Variants in PKP4 observed in about 807,000 individuals in gnomAD.
PKP4 encodes plakophilin-4.
Under a neutral mutation model 145.1 loss-of-function variants are expected in PKP4, and 90 were observed. That is an observed-to-expected ratio of 0.62 (90% CI 0.52 to 0.74). The LOEUF (loss-of-function observed/expected upper bound fraction) is 0.74. Among genes scored for constraint, PKP4 ranks in the 30% least tolerant of loss-of-function variants. The pLI is 0.00. For synonymous variants in PKP4, 563 were observed against 577.2 expected (o/e 0.98, Z 0.35); for missense variants, 1,340 against 1,482.7 (o/e 0.90, Z 1.58).
chr2:158,552,786 A>G (rs1347276607), intron 2 of PKP4, among the ~76,000 whole-genome samples: 2 of 152,220 alleles, frequency 1.3e-5, no homozygotes, highest in African/African-American at 4.8e-5. Flanking sequence ...CCTTATGTCT[A>G]AAAACCAATG....
intron 2 of PKP4, among the ~76,000 whole-genome samples, chr2:158,565,435 C>CTTTTTTTTTTTTTTT (rs10690465): frequency 7.4e-6 from 1 of 135,766 alleles, no homozygotes; most frequent in South Asian, 2.3e-4. Flanking sequence ...TTCTTTTTTC[C>CTTTTTTTTTTTTTTT]TTTTTTTTTT....
At chr2:158,551,947 T>C (rs570741854) in intron 2 of PKP4, among the ~76,000 whole-genome samples, 15 of 152,302 alleles carry the variant, frequency 9.8e-5, no homozygotes, top group Admixed American at 8.5e-4. Flanking sequence ...AGAATAATGC[T>C]CTCCTCCCCA....
At chr2:158,568,032 G>A (rs1395435585) in intron 2 of PKP4, among the ~76,000 whole-genome samples, 2 of 152,102 alleles carry the variant, frequency 1.3e-5, no homozygotes, top group Non-Finnish European at 2.9e-5. Context: ...TCTCCTGGAG[G>A]ACTTGTTTAA....
chr2:158,601,887 T>TAGCA (rs1558868980), intron 3 of PKP4, among the ~76,000 whole-genome samples: 1 of 152,128 alleles, frequency 6.6e-6, no homozygotes, highest in African/African-American at 2.4e-5. Flanking sequence ...CTCAGAAATA[T>TAGCA]AGCACTAAAA....
intron 1 of PKP4, among the ~76,000 whole-genome samples, chr2:158,507,323 TG>T (rs1204354176): frequency 1.3e-5 from 2 of 152,196 alleles, no homozygotes; most frequent in South Asian, 2.1e-4. Flanking sequence ...ATGCCGCTAA[TG>T]GGGTAGCTTT....
At chr2:158,567,267 A>T (rs1318050842) in intron 2 of PKP4, among the ~76,000 whole-genome samples, 1 of 152,168 alleles carries the variant, frequency 6.6e-6, no homozygotes, top group Non-Finnish European at 1.5e-5. Flanking sequence ...GTAGGTGTTT[A>T]TGGGAGAGTG....
chr2:158,486,426 G>T (rs1411498009), intron 1 of PKP4, among the ~76,000 whole-genome samples: 4 of 152,198 alleles, frequency 2.6e-5, no homozygotes, highest in Non-Finnish European at 5.9e-5. Flanking sequence ...TTTGGTAGCA[G>T]TATAGAACTG....
At chr2:158,640,392 TC>T (rs1192294328) in intron 9 of PKP4, among the ~76,000 whole-genome samples, 3 of 152,222 alleles carry the variant, frequency 2.0e-5, no homozygotes, top group African/African-American at 7.2e-5. Context: ...TTTTCTTTGT[TC>T]CCCTGAATCT....
chr2:158,625,182 C>G lies in PKP4; in HGVS notation c.908C>G (p.Thr303Ser). ...CAGACCTCCAATCCCAACGGACCAA[C>G]CCCTCAATACCAAACCACCGCCAGA... is the stretch of plus-strand genomic sequence containing the variant. ...SRQTSNPNGP[T>S]PQYQTTARVG... Residue 303 changes from threonine (T) to serine (S), a missense_variant, in exon 7 of 22, where the codon ACC becomes AGC. Physicochemically the swap from Thr to Ser is moderately conservative, Grantham distance 58. Transcript: ENST00000389759. 1 of 1,614,152 alleles carries G rather than the reference C, an allele frequency of 6.2e-7. No individual in the cohort carries two copies. Among genetic ancestry groups the G allele is most frequent in the East Asian group, 2.2e-5 (1 of 44,860 alleles).
chr2:158,650,732 T>TC (rs1472839173), intron 11 of PKP4, among the ~76,000 whole-genome samples: 2 of 152,200 alleles, frequency 1.3e-5, no homozygotes, highest in Non-Finnish European at 2.9e-5. Context: ...ATGGTGGTGT[T>TC]CCGAGCACAG....
chr2:158,518,299 C>A (rs1307287412), intron 1 of PKP4, among the ~76,000 whole-genome samples: 1 of 152,166 alleles, frequency 6.6e-6, no homozygotes, highest in Admixed American at 6.5e-5. Context: ...CTCAGGGTTT[C>A]AAAAGAAGCT....
In PKP4 at chr2:158,634,226, C is replaced by T. The variant is rs867766744; in HGVS notation, c.1499C>T (p.Ala500Val). 6.2e-7 allele frequency: 1 copy of T among 1,614,142 alleles called. No homozygotes were observed. Among genetic ancestry groups the T allele is most frequent in the South Asian group, 1.1e-5 (1 of 91,078 alleles). Residue 500 changes from alanine to valine, a missense_variant, in exon 9 of 22, where the codon GCA (alanine) becomes GTA (valine). Transcript: ENST00000389759. ...QECNYNRLQH[A>V]VPADDGTTRS... ...TGCAATTATAACAGGCTTCAGCATG[C>T]AGTGCCGGCTGATGATGGCACCACA...
At chr2:158,549,710 G>A (rs1402023937) in intron 2 of PKP4, among the ~76,000 whole-genome samples, 1 of 152,100 alleles carries the variant, frequency 6.6e-6, no homozygotes, top group South Asian at 2.1e-4. Context: ...GTGTTGACCA[G>A]TATGGAAAGG....
At chr2:158,649,241 G>A (rs887948551) in intron 11 of PKP4, among the ~76,000 whole-genome samples, 3 of 152,136 alleles carry the variant, frequency 2.0e-5, no homozygotes, top group Admixed American at 1.3e-4. Flanking sequence ...AGGTTGAGCA[G>A]GCAAGTCTCC....
intron 1 of PKP4, among the ~76,000 whole-genome samples, chr2:158,488,048 T>C (rs1694424796): frequency 1.3e-5 from 2 of 152,316 alleles, no homozygotes; most frequent in South Asian, 2.1e-4. Context: ...GTAGACCCTT[T>C]ATGTTTTTCA....
At chr2:158,484,504 A>C (rs2105445365) in intron 1 of PKP4, among the ~76,000 whole-genome samples, 1 of 152,250 alleles carries the variant, frequency 6.6e-6, no homozygotes, top group South Asian at 2.1e-4. Context: ...GGTTATATGC[A>C]TGTTGTTGTC....
intron 1 of PKP4, among the ~76,000 whole-genome samples, chr2:158,459,383 A>G (rs1050817624): frequency 6.6e-6 from 1 of 152,216 alleles, no homozygotes; most frequent in Non-Finnish European, 1.5e-5. Context: ...TGTCTGACCA[A>G]TCAGCTTTCT....
At chr2:158,552,795 T>A (rs985742860) in intron 2 of PKP4, among the ~76,000 whole-genome samples, 3 of 152,212 alleles carry the variant, frequency 2.0e-5, no homozygotes, top group African/African-American at 7.2e-5. Flanking sequence ...TAAAAACCAA[T>A]GTACATGCGT....
At position 158,673,735 on chromosome 2, in the gene PKP4, C is replaced by T. The variant is rs150278263; in HGVS notation, c.2983C>T (p.Arg995Trp). The T allele has an allele frequency of 9.3e-6, 15 of 1,612,478 alleles. No homozygotes were observed. Among genetic ancestry groups the T allele is most frequent in the Middle Eastern group, 1.7e-4 (1 of 5,950 alleles). Reference sequence around the variant, plus strand: ...GGTCTTGAATACATTATGGCAATATCGGGACCTCCGGAGCATTTATAAAAA... The same window carrying T: ...GGTCTTGAATACATTATGGCAATATTGGGACCTCCGGAGCATTTATAAAAA... ...AQVLNTLWQY[R>W]DLRSIYKKDG... is the part of the protein sequence containing the mutation. Residue 995 changes from arginine (R) to tryptophan (W), a missense_variant, in exon 18 of 22, where the codon CGG becomes TGG. Physicochemically the swap from Arg to Trp is moderately radical, Grantham distance 101. Transcript: ENST00000389759.
Sources: gnomAD v4.1 joint callset for allele counts (sites outside exome capture counted in the v4.1 genomes callset) on GRCh38, gnomAD v4.1.1 for gene constraint, MANE v1.5 for transcripts, NCBI Gene and HGNC (gene_info 2026-07-23, HGNC 2026-07-21) for gene names.